Variants in FBLN1 observed in about 807,000 individuals in gnomAD.
The protein encoded by FBLN1 is fibulin-1.
Under a neutral mutation model 89.7 loss-of-function variants are expected in FBLN1, and 34 were observed. The ratio of observed to expected loss-of-function variants is 0.38; its 90% CI spans 0.29 to 0.50. The LOEUF is 0.50. Ranked by LOEUF, FBLN1 falls within the 20% of genes least tolerant of loss-of-function variation. FBLN1 has a pLI of 0.92. For synonymous variants in FBLN1, 393 were observed against 391.3 expected (o/e 1.00, Z -0.05); for missense variants, 777 against 988.1 (o/e 0.79, Z 2.86).
rs144968870 is a variant in FBLN1, at chr22:45,534,709, A to G, written c.785-491A>G. Among the ~76,000 whole-genome samples the G allele has an allele frequency of 2.1e-3, 327 of 152,338 alleles. 1 individual carries two copies. Among genetic ancestry groups the G allele is most frequent in the Middle Eastern group, 3.4e-3 (1 of 294 alleles). ...ACCCCTAGAGCCCAGTGGCCAAGCC[A>G]GCTGAGTATACACATTTGACCATTT... On this transcript the variant is annotated intron_variant, in intron 7 of 16. Coordinates refer to ENST00000327858, the MANE Select transcript of FBLN1 (RefSeq NM_006486.3).
At position 45,517,762 on chromosome 22, in the gene FBLN1, T is replaced by C. The variant is rs1291334111; in HGVS notation, c.80-920T>C. 1.0e-5 allele frequency: 4 copies of C among 396,866 alleles called. No individual in the cohort carries two copies. The East Asian group carries it at 3.0e-4, about 30-fold the overall frequency. 24.6% of individuals were successfully genotyped at this position (396,866 alleles called of 1,614,324 possible). On this transcript the variant is annotated intron_variant, in intron 1 of 16. Coordinates refer to ENST00000327858, the MANE Select transcript of FBLN1 (RefSeq NM_006486.3). ...CTCAATCTGTAGCTTGAGGCTTATG[T>C]CCCCCCTCCTGCCCCTTTGCTCCCA...
chr22:45,534,449 T>TC (rs2088457084), intron 7 of FBLN1, among the ~76,000 whole-genome samples: 1 of 152,336 alleles, frequency 6.6e-6, no homozygotes, highest in East Asian at 1.9e-4. Context: ...TGCCAGCCTT[T>TC]CCCCGCCAAG....
chr22:45,524,175 G>C (rs973457275), intron 2 of FBLN1, among the ~76,000 whole-genome samples: 1 of 152,214 alleles, frequency 6.6e-6, no homozygotes, highest in Non-Finnish European at 1.5e-5. Flanking sequence ...AGGTGCACTG[G>C]CAGCTGCCAT....
At position 45,600,655 on chromosome 22, in the gene FBLN1, G is replaced by A. The variant is rs8139981; in HGVS notation, c.*209G>A. The A allele has an allele frequency of 2.8e-3, 1,765 of 631,288 alleles. 29 individuals are homozygous for A. The highest frequency in any genetic ancestry group is 0.025 in the African/African-American group (1,353 of 54,940). 39.1% of individuals were successfully genotyped at this position (631,288 alleles called of 1,614,324 possible). On this transcript the variant is annotated 3_prime_UTR_variant, in exon 17 of 17. Transcript: ENST00000327858. ...AATGAGCCCAGTTGCTCAACTGTTT[G>A]GTTGAAAACCTTGCTCATTTTTTAA...
At chr22:45,506,629 T>C (rs1327055541) in intron 1 of FBLN1, among the ~76,000 whole-genome samples, 1 of 152,124 alleles carries the variant, frequency 6.6e-6, no homozygotes, top group African/African-American at 2.4e-5. Flanking sequence ...GAAAGGGTGT[T>C]CCTGGCAGGG....
At chr22:45,513,044 C>T in intron 1 of FBLN1, among the ~76,000 whole-genome samples, 1 of 152,194 alleles carries the variant, frequency 6.6e-6, no homozygotes, top group East Asian at 1.9e-4. Flanking sequence ...GCCGTGTAAA[C>T]CATTGCATAC....
chr22:45,523,272 AC>A, intron 2 of FBLN1: 1 of 677,612 alleles, frequency 1.5e-6, no homozygotes, highest in Non-Finnish European at 2.8e-6. Context: ...GGGAGGAAGC[AC>A]CAGATACAAG....
At chr22:45,594,217 C>T (rs2089163999) in intron 16 of FBLN1, among the ~76,000 whole-genome samples, 1 of 152,112 alleles carries the variant, frequency 6.6e-6, no homozygotes, top group African/African-American at 2.4e-5. Flanking sequence ...CCCTTGCCTC[C>T]CTGTGTTAGA....
Position 45,531,389 on chromosome 22 carries a change from T to C in FBLN1, c.544+65T>C. ...AACCCCAAGGGGCCAGCAAGGTGGCTCAGGCCTGTAATCCTAGTACTTTGG... is the reference window on the plus strand; with the variant it reads ...AACCCCAAGGGGCCAGCAAGGTGGCCCAGGCCTGTAATCCTAGTACTTTGG... On this transcript the variant is annotated intron_variant, in intron 5 of 16. Transcript: ENST00000327858. The surrounding 1 kb of genome is among the most constrained non-coding windows in gnomAD (Gnocchi z 4.9). 1.4e-6 allele frequency: 2 copies of C among 1,421,774 alleles called. No individual in the cohort carries two copies. Among genetic ancestry groups the C allele is most frequent in the Non-Finnish European group, 2.0e-6 (2 of 1,005,902 alleles). 88.1% of individuals were successfully genotyped at this position (1,421,774 alleles called of 1,614,324 possible). A position where few individuals can be genotyped will look rare whatever the true frequency, so the allele number is the denominator to read the frequency against.
chr22:45,568,181 C>G (rs1235561507), intron 14 of FBLN1, among the ~76,000 whole-genome samples: 1 of 152,240 alleles, frequency 6.6e-6, no homozygotes, highest in Non-Finnish European at 1.5e-5. Context: ...GAATGATACT[C>G]TTTCTCAAAT....
At position 45,530,332 on chromosome 22, in the gene FBLN1, T is replaced by G. The variant is rs1180472718; in HGVS notation, c.485-933T>G. Among the ~76,000 whole-genome samples the G allele has an allele frequency of 6.6e-6, 1 of 152,040 alleles. No individual in the cohort carries two copies. The highest frequency in any genetic ancestry group is 2.4e-5 in the African/African-American group (1 of 41,406). On this transcript the variant is annotated intron_variant, in intron 4 of 16. Transcript: ENST00000327858. The surrounding 1 kb of genome is among the most constrained non-coding windows in gnomAD (Gnocchi z 5.4). The stretch of plus-strand genomic sequence containing the variant: ...CTCTGGGCTTTTCTGCAGCTCCAGA[T>G]GTTAGATGTTTTATCTCTCCGTCTT...
rs2088014981 is a variant in FBLN1 at position 45,505,998 on chromosome 22, A to G, written c.79+2934A>G. Among the ~76,000 whole-genome samples, 5 of 152,160 alleles carry G rather than the reference A, an allele frequency of 3.3e-5. No homozygotes were observed. The South Asian group carries it at 1.0e-3, about 32-fold the overall frequency. On this transcript the variant is annotated intron_variant, in intron 1 of 16. Coordinates refer to ENST00000327858, the MANE Select transcript of FBLN1 (RefSeq NM_006486.3). ...TGGCCAGGCTAGTCTCGAACTCCTG[A>G]CCTCAGGTGATCCACCTACCTCGGC...
intron 3 of FBLN1, among the ~76,000 whole-genome samples, chr22:45,526,903 T>C (rs2146961386): frequency 6.6e-6 from 1 of 152,204 alleles, no homozygotes; most frequent in Non-Finnish European, 1.5e-5. Context: ...TGTGCCCATG[T>C]CCCCAGACTT....
In FBLN1 at chr22:45,557,006, C is replaced by A. The variant is rs957590310; in HGVS notation, c.1697+6391C>A. ...CCTGATTCAGAGCATACATGGCCTT[C>A]TGTAGAACTTTGTCCCAGCCCTGCA... On this transcript the variant is annotated intron_variant, in intron 14 of 16. Coordinates refer to ENST00000327858, the MANE Select transcript of FBLN1 (RefSeq NM_006486.3). The surrounding 1 kb of genome is among the most constrained non-coding windows in gnomAD (Gnocchi z 4.9). 5.0e-4 allele frequency among the ~76,000 whole-genome samples: 76 copies of A among 152,126 alleles called. No individual in the cohort carries two copies. The highest frequency in any genetic ancestry group is 7.2e-5 in the African/African-American group (3 of 41,422).
chr22:45,586,476 G>T (rs1008006985), intron 16 of FBLN1, among the ~76,000 whole-genome samples: 1 of 152,226 alleles, frequency 6.6e-6, no homozygotes, highest in Non-Finnish European at 1.5e-5. Context: ...CCACATCTGC[G>T]GTGTCACCGT....
chr22:45,549,899 G>T lies in FBLN1; in HGVS notation c.1574-593G>T, dbSNP rs1489119081. Among the ~76,000 whole-genome samples, 1 of 152,192 alleles carries T rather than the reference G, an allele frequency of 6.6e-6. No homozygotes were observed. The highest frequency in any genetic ancestry group is 1.5e-5 in the Non-Finnish European group (1 of 68,032). On this transcript the variant is annotated intron_variant, in intron 13 of 16. Coordinates refer to ENST00000327858, the MANE Select transcript of FBLN1 (RefSeq NM_006486.3). The surrounding 1 kb of genome is among the most constrained non-coding windows in gnomAD (Gnocchi z 5.7). Reference sequence around the variant, plus strand: ...GAACAGCCACCAACCCCAACACACAGGCAAGACGTATGATCCCTCGAAGGC... The same window carrying T: ...GAACAGCCACCAACCCCAACACACATGCAAGACGTATGATCCCTCGAAGGC...
At position 45,563,454 on chromosome 22, in the gene FBLN1, C is replaced by G; in HGVS notation, c.1698-11057C>G. The G allele has an allele frequency of 7.6e-7, 1 of 1,322,580 alleles. No individual in the cohort carries two copies. The allele number at this position is 1,322,580 out of a possible 1,614,324, so 81.9% of individuals were successfully genotyped here. A position where few individuals can be genotyped will look rare whatever the true frequency, so the allele number is the denominator to read the frequency against. The stretch of plus-strand genomic sequence containing the variant: ...CTGGGCACTGGCCACCGCCTGGTAC[C>G]CCCGAGGGCTGACTGAGGAGCGCTC... On this transcript the variant is annotated intron_variant, in intron 14 of 16. Transcript: ENST00000327858. The surrounding 1 kb of genome is among the most constrained non-coding windows in gnomAD (Gnocchi z 5.7).
chr22:45,527,088 CCCATCAG>C (rs2088339436), intron 3 of FBLN1, among the ~76,000 whole-genome samples: 2 of 152,320 alleles, frequency 1.3e-5, no homozygotes, highest in South Asian at 4.1e-4. Context: ...GCCTGGAAGA[CCCATCAG>C]TGCCACATAA....
At chr22:45,528,363 A>G (rs981100942) in intron 4 of FBLN1, among the ~76,000 whole-genome samples, 7 of 151,720 alleles carry the variant, frequency 4.6e-5, no homozygotes, top group Non-Finnish European at 1.0e-4. Flanking sequence ...TTTTTGAGAC[A>G]GAATCTCTCT....
Sources: allele counts gnomAD v4.1 joint callset (sites outside exome capture counted in the v4.1 genomes callset), GRCh38; gene constraint gnomAD v4.1.1; non-coding constraint Gnocchi (gnomAD v3.1); transcripts MANE v1.5; gene names NCBI Gene and HGNC (gene_info 2026-07-23, HGNC 2026-07-21).